The following RALGPS2 variants were observed in gnomAD, a reference collection of about 807,000 sequenced individuals.
RALGPS2 encodes the protein Ral GEF with PH domain and SH3 binding motif 2.
In RALGPS2, 43 loss-of-function variants were observed where a neutral mutation model predicts 86.8. The ratio of observed to expected loss-of-function variants is 0.50; its 90% confidence interval spans 0.39 to 0.64. RALGPS2 has a LOEUF of 0.64. Ranked by LOEUF, RALGPS2 falls within the 30% of genes least tolerant of loss-of-function variation. RALGPS2 has a pLI of 0.00. For missense variants in RALGPS2, 536 were observed against 694.6 expected, an observed-to-expected ratio of 0.77 and a Z score of 2.57; for synonymous variants, 243 against 231.3, an observed-to-expected ratio of 1.05 and a Z score of -0.46.
chr1:178,894,227 C>CA lies in RALGPS2; in HGVS notation c.1431+206dup, dbSNP rs1659842208. On this transcript the variant is annotated intron_variant, in intron 16 of 19. Coordinates refer to ENST00000367635, the MANE Select transcript of RALGPS2 (RefSeq NM_152663.5). ...ACTGAAACCTCAGATAGTACCAAAC[C>CA]AAATTACCATCATTTGGAACATGTT... The CA allele has an allele frequency of 2.5e-5, 10 of 398,076 alleles. No homozygotes were observed. The South Asian group carries it at 5.7e-4, about 23-fold the overall frequency. The allele number at this position is 398,076 out of a possible 1,614,324, so 24.7% of individuals were successfully genotyped here.
chr1:178,911,897 G>A (rs1313406076), intron 19 of RALGPS2, among the ~76,000 whole-genome samples: 2 of 152,028 alleles, frequency 1.3e-5, no homozygotes, highest in African/African-American at 4.8e-5. Flanking sequence ...TCCAATGTTG[G>A]GTGCATGTAT....
intron 18 of RALGPS2, among the ~76,000 whole-genome samples, chr1:178,905,888 C>T (rs1171867681): frequency 6.6e-6 from 1 of 152,122 alleles, no homozygotes; most frequent in Non-Finnish European, 1.5e-5. Context: ...AAAGTTGCCT[C>T]CTAGACTTTC....
chr1:178,886,054 A>C lies in RALGPS2; in HGVS notation c.1126A>C (p.Met376Leu). 2 of 1,613,830 alleles carry C rather than the reference A, an allele frequency of 1.2e-6. No homozygotes were observed. Among genetic ancestry groups the C allele is most frequent in the Non-Finnish European group, 1.7e-6 (2 of 1,179,852 alleles). ...GPRHLLDDSV[M>L]EPHAPSRGQA... ...AAGACATCTGTTAGATGATAGCGTC[A>C]TGGAGCCCCATGCGCCATCTCGAGG... Residue 376 changes from methionine to leucine, a missense_variant, in exon 13 of 20, where the codon ATG (methionine) becomes CTG (leucine). By Grantham distance (15) the Met-to-Leu change is conservative. Coordinates refer to ENST00000367635, the MANE Select transcript of RALGPS2 (RefSeq NM_152663.5).
At chr1:178,845,133 TG>T (rs1656809713) in intron 8 of RALGPS2, among the ~76,000 whole-genome samples, 1 of 151,568 alleles carries the variant, frequency 6.6e-6, no homozygotes, top group African/African-American at 2.4e-5. Flanking sequence ...TTTTTTGAAC[TG>T]TGGAAATCAG....
At chr1:178,883,214 T>C (rs1659335039) in intron 10 of RALGPS2, among the ~76,000 whole-genome samples, 3 of 152,148 alleles carry the variant, frequency 2.0e-5, no homozygotes, top group Non-Finnish European at 4.4e-5. Context: ...TGGCCAGGCT[T>C]GGTGGCTCAT....
At chr1:178,894,851 G>A (rs112492434) in intron 16 of RALGPS2, among the ~76,000 whole-genome samples, 14 of 151,930 alleles carry the variant, frequency 9.2e-5, no homozygotes, top group South Asian at 2.1e-4. Context: ...ATTATAGTTC[G>A]TATACAAAAT....
chr1:178,889,687 C>G lies in RALGPS2; in HGVS notation c.1238C>G (p.Ala413Gly). 6.2e-7 allele frequency: 1 copy of G among 1,603,718 alleles called. No individual in the cohort carries two copies. The highest frequency in any genetic ancestry group is 8.5e-7 in the Non-Finnish European group (1 of 1,174,062). ...SELSEETSWP[A>G]FERNRLYHSL... is the part of the protein sequence containing the mutation. Reference sequence around the variant, plus strand: ...CTAAGTGAAGAGACCTCATGGCCTGCTTTTGAAAGGTAAGATAAATTGTCC... The same window carrying G: ...CTAAGTGAAGAGACCTCATGGCCTGGTTTTGAAAGGTAAGATAAATTGTCC... Residue 413 changes from alanine (A) to glycine (G), a missense_variant, in exon 14 of 20, where the codon GCT (alanine) becomes GGT (glycine). By Grantham distance (60) the Ala-to-Gly change is moderately conservative. Around this residue, in one of 3 missense-constraint regions of RALGPS2, gnomAD observed 309 missense variants for 363.0 expected, o/e 0.85. Coordinates refer to ENST00000367635, the MANE Select transcript of RALGPS2 (RefSeq NM_152663.5).
intron 1 of RALGPS2, among the ~76,000 whole-genome samples, chr1:178,771,246 C>T (rs1489342077): frequency 1.3e-5 from 2 of 152,232 alleles, no homozygotes; most frequent in South Asian, 4.1e-4. Context: ...TCTCTTAAAG[C>T]ATTTACTACC....
At chr1:178,776,032 G>A (rs144111456) in intron 1 of RALGPS2, among the ~76,000 whole-genome samples, 1 of 151,572 alleles carries the variant, frequency 6.6e-6, no homozygotes, top group Admixed American at 6.6e-5. Context: ...CATTGGCACT[G>A]TATTAAGTAT....
At chr1:178,777,058 G>A (rs896134581) in intron 2 of RALGPS2, among the ~76,000 whole-genome samples, 3 of 150,176 alleles carry the variant, frequency 2.0e-5, no homozygotes, top group Admixed American at 6.6e-5. Flanking sequence ...CCACTAACTC[G>A]TCATCTAGCA....
intron 6 of RALGPS2, among the ~76,000 whole-genome samples, chr1:178,814,592 C>T (rs189077101): frequency 6.6e-6 from 1 of 152,246 alleles, no homozygotes; most frequent in East Asian, 1.9e-4. Flanking sequence ...TATGCCACCA[C>T]CTGTGGCTAA....
At chr1:178,856,605 A>G (rs189956879) in intron 8 of RALGPS2, among the ~76,000 whole-genome samples, 10 of 151,500 alleles carry the variant, frequency 6.6e-5, no homozygotes, top group Non-Finnish European at 1.5e-4. Flanking sequence ...TGCTTCTGGG[A>G]TAGACTCAAC....
intron 2 of RALGPS2, among the ~76,000 whole-genome samples, chr1:178,777,425 C>T (rs1653152759): frequency 1.3e-5 from 2 of 151,834 alleles, no homozygotes; most frequent in Admixed American, 1.3e-4. Context: ...ATTCCATGCT[C>T]ATGGGTAGGA....
chr1:178,727,135 T>G (rs1222343575), intron 1 of RALGPS2, among the ~76,000 whole-genome samples: 2 of 152,270 alleles, frequency 1.3e-5, no homozygotes, highest in Non-Finnish European at 2.9e-5. Flanking sequence ...ATAAACAATT[T>G]CAGTGTATTT....
intron 10 of RALGPS2, among the ~76,000 whole-genome samples, chr1:178,881,538 C>T (rs776390897): frequency 7.2e-5 from 11 of 152,148 alleles, no homozygotes; most frequent in African/African-American, 1.2e-4. Context: ...CAACCTCCGC[C>T]GCCTGGGGTT....
intron 1 of RALGPS2, among the ~76,000 whole-genome samples, chr1:178,761,602 C>T (rs1236996120): frequency 1.3e-5 from 2 of 151,832 alleles, no homozygotes; most frequent in East Asian, 2.0e-4. Flanking sequence ...ACTCTTTTGC[C>T]TGGGCTGGAG....
rs146993806 is a variant in RALGPS2 at position 178,771,531 on chromosome 1, TCA to T, written c.-83-5150_-83-5149del. On this transcript the variant is annotated intron_variant, in intron 1 of 19. Coordinates refer to ENST00000367635, the MANE Select transcript of RALGPS2 (RefSeq NM_152663.5). Reference sequence around the variant, plus strand: ...ATTGGTGATAATAATTTTGATGTACTCAGTTAAGGGATTGTCCAGTTCTTCAC... The same window carrying T: ...ATTGGTGATAATAATTTTGATGTACTGTTAAGGGATTGTCCAGTTCTTCAC... Among the ~76,000 whole-genome samples the T allele has an allele frequency of 2.2e-4, 34 of 152,288 alleles. No individual in the cohort carries two copies. In the East Asian group the frequency reaches 6.2e-3, roughly 28 times the overall value.
At chr1:178,914,633 T>C (rs1463467964) in intron 19 of RALGPS2, among the ~76,000 whole-genome samples, 2 of 152,172 alleles carry the variant, frequency 1.3e-5, no homozygotes, top group East Asian at 3.9e-4. Flanking sequence ...AAGCTCTTCC[T>C]GGCTTTGCCT....
intron 7 of RALGPS2, among the ~76,000 whole-genome samples, chr1:178,827,570 A>G (rs1655807686): frequency 1.3e-5 from 2 of 150,982 alleles, no homozygotes; most frequent in South Asian, 4.2e-4. Flanking sequence ...AATTTTTTGT[A>G]TTTTTTAGTA....
Sources: gnomAD v4.1 joint callset for allele counts (sites outside exome capture counted in the v4.1 genomes callset) on GRCh38, gnomAD v4.1.1 for gene constraint, gnomAD v4.1.1 regional missense constraint, MANE v1.5 for transcripts, NCBI Gene and HGNC (gene_info 2026-07-23, HGNC 2026-07-21) for gene names.